RAB40C: variants seen among roughly 807,000 people sequenced by gnomAD.
RAB40C encodes the protein RAB40C, member RAS oncogene family, also known as ras-related protein Rab-40C.
RAB40C carries 8 observed loss-of-function variants against 28.1 expected under a neutral mutation model. The observed-to-expected ratio is 0.28, with a 90% CI of 0.17 to 0.51. The LOEUF is 0.51. RAB40C is among the 20% of genes least tolerant of loss of function. The probability of loss-of-function intolerance (pLI) is 0.97; values close to 1 mark genes in which losing one functional copy is unlikely to be tolerated. For missense variants in RAB40C, 288 were observed against 405.9 expected, an observed-to-expected ratio of 0.71 and a Z score of 2.50; for synonymous variants, 201 against 171.7, an observed-to-expected ratio of 1.17 and a Z score of -1.34.
intron 1 of RAB40C, among the ~76,000 whole-genome samples, chr16:597,473 CT>C (rs568587117): frequency 3.7e-3 from 520 of 142,402 alleles, no homozygotes; most frequent in Middle Eastern, 3.7e-3. Flanking sequence ...CATCTAGCAT[CT>C]TTTTTTTTTT....
At chr16:622,992 G>A (rs1223285652) in intron 3 of RAB40C, among the ~76,000 whole-genome samples, 4 of 152,004 alleles carry the variant, frequency 2.6e-5, no homozygotes, top group East Asian at 3.9e-4. Context: ...GGGTCCCTGC[G>A]GCCTCACTGT....
chr16:589,363 G>C (rs2035940683), upstream of RAB40C: 1 of 152,266 alleles, frequency 6.6e-6, no homozygotes, highest in Admixed American at 6.5e-5. Flanking sequence ...GACGCGCCCG[G>C]GGCCACCCCG....
chr16:627,040 C>T (rs1025823361), intron 5 of RAB40C, among the ~76,000 whole-genome samples: 10 of 152,264 alleles, frequency 6.6e-5, no homozygotes, highest in African/African-American at 2.2e-4. Flanking sequence ...CCAGATCACG[C>T]AGCCCTCACA....
chr16:613,441 A>C (rs2036525050), intron 1 of RAB40C, among the ~76,000 whole-genome samples: 1 of 152,254 alleles, frequency 6.6e-6, no homozygotes, highest in African/African-American at 2.4e-5. Context: ...GGTAGAATCA[A>C]GAGCACAGTG....
At chr16:617,177 C>T (rs118028349) in intron 1 of RAB40C, 31 bp from the exon 2 acceptor site, 32,796 of 1,611,452 alleles carry the variant, frequency 0.02, 382 homozygotes, top group Non-Finnish European at 0.024. Flanking sequence ...AGGAGTGGCG[C>T]GTCCCCTCAG....
In RAB40C at chr16:618,173, G is replaced by C. The variant is rs201052771; in HGVS notation, c.204-27G>C. 7.7e-5 allele frequency: 124 copies of C among 1,608,394 alleles called. No individual in the cohort carries two copies. The African/African-American group carries it at 1.6e-3, about 20-fold the overall frequency. On this transcript the variant is annotated intron_variant, in intron 2 of 5. Coordinates refer to ENST00000248139, the MANE Select transcript of RAB40C (RefSeq NM_021168.5). ...AGCCTCTCACAGGGACCACAGTCCC[G>C]GCCCCTCCCCTCCCCGTATGTTTCA... is the stretch of plus-strand genomic sequence containing the variant.
intron 3 of RAB40C, among the ~76,000 whole-genome samples, chr16:618,783 G>A (rs1207197281): frequency 7.4e-6 from 1 of 135,964 alleles, no homozygotes; most frequent in African/African-American, 2.8e-5. Flanking sequence ...GTGTGTGCAG[G>A]TGTGGTGTAC....
chr16:593,985 C>G (rs2036057845), intron 1 of RAB40C, among the ~76,000 whole-genome samples: 1 of 152,196 alleles, frequency 6.6e-6, no homozygotes, highest in South Asian at 2.1e-4. Context: ...AGGAGCGAAC[C>G]TGCAGTCAGG....
chr16:596,249 G>T (rs1324664791), intron 1 of RAB40C: 1 of 454,090 alleles, frequency 2.2e-6, no homozygotes, highest in Non-Finnish European at 4.4e-6. Context: ...GCTGAGAGGT[G>T]GGCGGGAAGG....
chr16:621,673 C>T (rs1394275721), intron 3 of RAB40C, among the ~76,000 whole-genome samples: 1 of 152,240 alleles, frequency 6.6e-6, no homozygotes, highest in East Asian at 1.9e-4. Flanking sequence ...GAGTGGGTCA[C>T]CCAGGTGCAG....
At chr16:616,898 T>A (rs931622740) in intron 1 of RAB40C, 7 of 400,434 alleles carry the variant, frequency 1.7e-5, no homozygotes, top group Non-Finnish European at 3.3e-5. Context: ...GAGGCCCCAT[T>A]CCAGGCAAGC....
At position 625,484 on chromosome 16, in the gene RAB40C, A is replaced by C; in HGVS notation, c.317A>C (p.Asp106Ala). Residue 106 changes from aspartate to alanine, a missense_variant, in exon 4 of 6, where the codon GAC becomes GCC. By Grantham distance (126) the Asp-to-Ala change is moderately radical. Around this residue, in one of 3 missense-constraint regions of RAB40C, gnomAD observed 153 missense variants for 262.4 expected, o/e 0.58. Transcript: ENST00000248139. ...ITNRWSFDGI[D>A]RWIKEIDEHA... ...AACCGCTGGTCCTTTGACGGCATCG[A>C]CCGCTGGATCAAGGAGATCGATGAG... The C allele has an allele frequency of 6.2e-7, 1 of 1,613,478 alleles. No individual in the cohort carries two copies. Among genetic ancestry groups the C allele is most frequent in the South Asian group, 1.1e-5 (1 of 91,074 alleles).
At position 627,796 on chromosome 16, in the gene RAB40C, G is replaced by A. The variant is rs1476937135; in HGVS notation, c.*174G>A. 9.8e-5 allele frequency: 75 copies of A among 768,650 alleles called. No homozygotes were observed. Among genetic ancestry groups the A allele is most frequent in the Non-Finnish European group, 1.2e-4 (65 of 535,064 alleles). 47.6% of individuals were successfully genotyped at this position (768,650 alleles called of 1,614,324 possible). On this transcript the variant is annotated 3_prime_UTR_variant, in exon 6 of 6. Transcript: ENST00000248139. ...GAGGAGGAGCATGCACGGACCAAGC[G>A]CGGCAGGCGGGAGGAGGGGGCGCGG...
chr16:602,993 T>G (rs2036283890), intron 1 of RAB40C, among the ~76,000 whole-genome samples: 2 of 152,100 alleles, frequency 1.3e-5, no homozygotes, highest in Non-Finnish European at 2.9e-5. Flanking sequence ...AGGAGAATTT[T>G]AAGAGATAGG....
In RAB40C at chr16:625,409, T is replaced by G. The variant is rs756462614; in HGVS notation, c.265-23T>G. The G allele has an allele frequency of 2.5e-6, 4 of 1,611,452 alleles. No homozygotes were observed. In the Admixed American group the frequency reaches 6.7e-5, roughly 27 times the overall value. On this transcript the variant is annotated intron_variant, in intron 3 of 5. Transcript: ENST00000248139. ...GGCCATGCGTGTCAGTGACCCCTGA[T>G]GACCCCCAAGTCTCTGTTGCAGGGG...
intron 3 of RAB40C, 84 bp from the exon 4 acceptor site, chr16:625,334 CCTGCCCGGGAACTG>C: frequency 6.5e-7 from 1 of 1,534,558 alleles, no homozygotes. Context: ...CATCCTTGGC[CCTGCCCGGGAACTG>C]AGGCCCCTGC....
At chr16:608,786 T>A (rs1022287136) in intron 1 of RAB40C, among the ~76,000 whole-genome samples, 1 of 152,074 alleles carries the variant, frequency 6.6e-6, no homozygotes, top group Non-Finnish European at 1.5e-5. Flanking sequence ...GGCACAAGAA[T>A]CACTTGAACC....
At chr16:598,901 G>T (rs2036190208) in intron 1 of RAB40C, among the ~76,000 whole-genome samples, 1 of 152,338 alleles carries the variant, frequency 6.6e-6, no homozygotes, top group East Asian at 1.9e-4. Flanking sequence ...CTCTCCAGCA[G>T]CTCCAGCAGC....
Position 618,275 on chromosome 16 carries a change from G to A in RAB40C, c.264+15G>A, listed in dbSNP as rs751491865. The A allele has an allele frequency of 1.7e-5, 27 of 1,600,224 alleles. No homozygotes were observed. Among genetic ancestry groups the A allele is most frequent in the East Asian group, 4.5e-5 (2 of 44,568 alleles). ...GGGGCGCTCAGGTAAGACCAGCACCGCTCTTTCCATTGCTTTTCAAAGGAT... is the reference window on the plus strand; with the variant it reads ...GGGGCGCTCAGGTAAGACCAGCACCACTCTTTCCATTGCTTTTCAAAGGAT... On this transcript the variant is annotated intron_variant, in intron 3 of 5. Coordinates refer to ENST00000248139, the MANE Select transcript of RAB40C (RefSeq NM_021168.5).
Sources: gnomAD v4.1 joint callset for allele counts (sites outside exome capture counted in the v4.1 genomes callset) on GRCh38, gnomAD v4.1.1 for gene constraint, gnomAD v4.1.1 regional missense constraint, MANE v1.5 for transcripts, NCBI Gene and HGNC (gene_info 2026-07-23, HGNC 2026-07-21) for gene names.